The following KAT6B variants were observed in gnomAD, a reference collection of about 807,000 sequenced individuals.
The protein encoded by KAT6B is histone acetyltransferase KAT6B.
Under a neutral mutation model 187.5 loss-of-function variants are expected in KAT6B, and 10 were observed. The ratio of observed to expected loss-of-function variants is 0.05; its 90% CI spans 0.03 to 0.09. The LOEUF (loss-of-function observed/expected upper bound fraction) is 0.09, where lower values mean the gene tolerates loss of function less well. Ranked by LOEUF, KAT6B falls within the 10% of genes least tolerant of loss-of-function variation. The pLI is 1.00. For missense variants in KAT6B, 1,952 were observed against 2,558.9 expected, an observed-to-expected ratio of 0.76 and a Z score of 5.12; for synonymous variants, 861 against 926.8, an observed-to-expected ratio of 0.93 and a Z score of 1.29.
chr10:74,832,481 A>G (rs1031584317), intron 1 of KAT6B, among the ~76,000 whole-genome samples: 1 of 151,872 alleles, frequency 6.6e-6, no homozygotes, highest in Non-Finnish European at 1.5e-5. Flanking sequence ...ATTTATTTAG[A>G]TTTTTTGGTA....
In KAT6B at chr10:75,022,229, A is replaced by C. The variant is rs970807599; in HGVS notation, c.3370A>C (p.Lys1124Gln). 5 of 1,612,994 alleles carry C rather than the reference A, an allele frequency of 3.1e-6. No homozygotes were observed. In the African/African-American group the frequency reaches 6.7e-5, roughly 22 times the overall value. Reference sequence around the variant, plus strand: ...ACCACAGTCAGTTGCCATAAAGAGAAAGGTAGGTGTCTGTTTAGATTTTCT... The same window carrying C: ...ACCACAGTCAGTTGCCATAAAGAGACAGGTAGGTGTCTGTTTAGATTTTCT... ...TKPQSVAIKR[K>Q]RPFVLKKKRG... Residue 1124 changes from lysine to glutamine, a missense_variant and splice_region_variant, in exon 16 of 18, where the codon AAG becomes CAG. Physicochemically the swap from Lys to Gln is moderately conservative, Grantham distance 53 (BLOSUM62 1). Around this residue, in one of 9 missense-constraint regions of KAT6B, gnomAD observed 758 missense variants for 891.4 expected, o/e 0.85. Coordinates refer to ENST00000287239, the MANE Select transcript of KAT6B (RefSeq NM_012330.4).
chr10:74,940,128 G>A (rs1045885499), intron 3 of KAT6B, among the ~76,000 whole-genome samples: 1 of 151,718 alleles, frequency 6.6e-6, no homozygotes, highest in African/African-American at 2.4e-5. Flanking sequence ...CAAATGTGAG[G>A]GACACTTACT....
chr10:74,961,481 G>A (rs750642663), intron 4 of KAT6B, among the ~76,000 whole-genome samples: 10 of 152,186 alleles, frequency 6.6e-5, no homozygotes, highest in Non-Finnish European at 1.5e-4. Flanking sequence ...ACAGATTAAA[G>A]ATGTACTTAA....
Position 74,999,325 on chromosome 10 carries a change from G to T in KAT6B, c.2629+10213G>T, listed in dbSNP as rs146092882. 3.3e-5 allele frequency among the ~76,000 whole-genome samples: 5 copies of T among 152,328 alleles called. No homozygotes were observed. The East Asian group carries it at 9.7e-4, about 29-fold the overall frequency. On this transcript the variant is annotated intron_variant, in intron 13 of 17. Transcript: ENST00000287239. ...GCGTTTGGATGTCTACGTGCACTTT[G>T]CACAGACTCCAGAGCTCAGCAGGGG...
intron 11 of KAT6B, chr10:74,982,297 C>A: frequency 3.2e-6 from 1 of 313,998 alleles, no homozygotes; most frequent in Non-Finnish European, 6.1e-6. Context: ...GCTCACTCTT[C>A]CAGGGAATTG....
At chr10:74,880,930 C>T (rs867087295) in intron 3 of KAT6B, among the ~76,000 whole-genome samples, 9 of 144,558 alleles carry the variant, frequency 6.2e-5, no homozygotes, top group African/African-American at 5.1e-5. Flanking sequence ...CTTACTCTCT[C>T]TTTTTTTTTT....
intron 3 of KAT6B, among the ~76,000 whole-genome samples, chr10:74,949,876 T>C (rs1237258757): frequency 6.6e-6 from 1 of 152,240 alleles, no homozygotes; most frequent in East Asian, 1.9e-4. Context: ...TTTTCCTGCT[T>C]CCTTACTGTC....
chr10:75,021,307 CTAAGTTGTG>C (rs771595239), intron 15 of KAT6B, 22 bp downstream of exon 15: 9 of 1,611,898 alleles, frequency 5.6e-6, no homozygotes, highest in Non-Finnish European at 6.8e-6. Context: ...CTTTATCATC[CTAAGTTGTG>C]TAACTTCAAT....
rs114767133 is a variant in KAT6B, at chr10:74,965,524, G to A, written c.731-4136G>A. Reference sequence around the variant, plus strand: ...AGATGGACAGATGGATGGTCAGGTAGCCAGTCTGAGGGGCTTAGTGTCTGA... The same window carrying A: ...AGATGGACAGATGGATGGTCAGGTAACCAGTCTGAGGGGCTTAGTGTCTGA... On this transcript the variant is annotated intron_variant, in intron 4 of 17. Coordinates refer to ENST00000287239, the MANE Select transcript of KAT6B (RefSeq NM_012330.4). Among the ~76,000 whole-genome samples the A allele has an allele frequency of 3.6e-3, 548 of 152,288 alleles. 4 individuals are homozygous for A. Among genetic ancestry groups the A allele is most frequent in the African/African-American group, 0.012 (515 of 41,560 alleles).
At chr10:74,907,662 T>A (rs1846872452) in intron 3 of KAT6B, among the ~76,000 whole-genome samples, 1 of 152,158 alleles carries the variant, frequency 6.6e-6, no homozygotes, top group Non-Finnish European at 1.5e-5. Flanking sequence ...CCCAAGTAGC[T>A]GGGATTACAA....
chr10:74,918,055 T>G (rs1365436081), intron 3 of KAT6B, among the ~76,000 whole-genome samples: 1 of 152,236 alleles, frequency 6.6e-6, no homozygotes, highest in Non-Finnish European at 1.5e-5. Context: ...AGCATTTAAT[T>G]GTAATCAGTG....
intron 3 of KAT6B, among the ~76,000 whole-genome samples, chr10:74,898,997 CAA>C (rs776291985): frequency 6.5e-5 from 7 of 108,058 alleles, no homozygotes; most frequent in Admixed American, 1.9e-4. Context: ...ACTAAAAATA[CAA>C]AAAAAAAAAA....
rs2894243 is a variant in KAT6B, at chr10:75,014,261, G to A, written c.2630-6321G>A. The stretch of plus-strand genomic sequence containing the variant: ...AGGCTGAGGTGGGAGGATCGCTTGA[G>A]CCTGAGAGTTTGAGACCAGCCTGGG... On this transcript the variant is annotated intron_variant, in intron 13 of 17. Transcript: ENST00000287239. Among the ~76,000 whole-genome samples the A allele has an allele frequency of 5.9e-3, 898 of 152,220 alleles. 9 individuals carry two copies. The highest frequency in any genetic ancestry group is 7.4e-3 in the Non-Finnish European group (501 of 68,000).
chr10:74,859,942 A>G (rs1843062677), intron 3 of KAT6B, among the ~76,000 whole-genome samples: 1 of 152,246 alleles, frequency 6.6e-6, no homozygotes. Flanking sequence ...AGTTTGGAGA[A>G]CATTGATCAG....
intron 1 of KAT6B, among the ~76,000 whole-genome samples, chr10:74,833,809 T>C (rs1030275817): frequency 2.6e-5 from 4 of 152,222 alleles, no homozygotes; most frequent in Non-Finnish European, 4.4e-5. Context: ...ATTATTAGCT[T>C]ATGAATTGAA....
intron 12 of KAT6B, among the ~76,000 whole-genome samples, chr10:74,987,173 C>T (rs983368540): frequency 4.7e-4 from 72 of 152,150 alleles, no homozygotes; most frequent in Non-Finnish European, 1.8e-4. Flanking sequence ...CGGTGGCTCA[C>T]GCCTGTAATC....
intron 16 of KAT6B, among the ~76,000 whole-genome samples, chr10:75,022,469 A>AGT (rs371590670): frequency 2.0e-5 from 3 of 152,330 alleles, no homozygotes; most frequent in African/African-American, 7.2e-5. Flanking sequence ...CTAGTCTAGT[A>AGT]GTCACTGCCA....
chr10:74,980,958 T>C (rs1842471329), intron 10 of KAT6B, among the ~76,000 whole-genome samples: 1 of 152,254 alleles, frequency 6.6e-6, no homozygotes, highest in Non-Finnish European at 1.5e-5. Context: ...ACAACTAAGT[T>C]TGAGGACTTT....
In KAT6B at chr10:74,979,228, T is replaced by C; in HGVS notation, c.2120T>C (p.Ile707Thr). The C allele has an allele frequency of 6.2e-7, 1 of 1,607,492 alleles. No homozygotes were observed. Among genetic ancestry groups the C allele is most frequent in the South Asian group, 1.1e-5 (1 of 90,932 alleles). Residue 707 changes from isoleucine (I) to threonine (T), a missense_variant, in exon 10 of 18, where the codon ATA becomes ACA. Physicochemically the swap from Ile to Thr is moderately conservative, Grantham distance 89. Coordinates refer to ENST00000287239, the MANE Select transcript of KAT6B (RefSeq NM_012330.4). ...KQAQELSWEK[I>T]ECESGVEDCG... ...CCTTTTCTTTCTATTTGACAGAAAA[T>C]AGAGTGTGAGAGTGGGGTGGAAGAC...
Sources: allele counts gnomAD v4.1 joint callset (sites outside exome capture counted in the v4.1 genomes callset), GRCh38; gene constraint gnomAD v4.1.1; regional missense constraint gnomAD v4.1.1; transcripts MANE v1.5; gene names NCBI Gene and HGNC (gene_info 2026-07-23, HGNC 2026-07-21).